SMAD7: variants seen among roughly 807,000 people sequenced by gnomAD.
The protein encoded by SMAD7 is SMAD family member 7.
Under a neutral mutation model 38.7 loss-of-function variants are expected in SMAD7, and 8 were observed. That is an observed-to-expected ratio of 0.21 (90% CI 0.12 to 0.37). The LOEUF (loss-of-function observed/expected upper bound fraction) is 0.37. Among genes scored for constraint, SMAD7 ranks in the 10% least tolerant of loss-of-function variants. SMAD7 has a pLI of 1.00. For missense variants in SMAD7, 477 were observed against 577.9 expected, an observed-to-expected ratio of 0.83 and a Z score of 1.79; for synonymous variants, 327 against 265.1, an observed-to-expected ratio of 1.23 and a Z score of -2.27.
chr18:48,936,632 GA>G (rs1467724506), intron 3 of SMAD7, among the ~76,000 whole-genome samples: 1 of 152,222 alleles, frequency 6.6e-6, no homozygotes, highest in African/African-American at 2.4e-5. Flanking sequence ...GCAAGTCCAG[GA>G]ACCAGCACTT....
At chr18:48,942,382 A>C (rs932541462) in intron 3 of SMAD7, 99 bp downstream of exon 3, 1 of 771,322 alleles carries the variant, frequency 1.3e-6, no homozygotes, top group Non-Finnish European at 2.2e-6. Flanking sequence ...AATGAAGTCC[A>C]GACCAGCTGG....
intron 3 of SMAD7, among the ~76,000 whole-genome samples, chr18:48,934,260 C>T (rs776847536): frequency 6.6e-6 from 1 of 152,150 alleles, no homozygotes; most frequent in African/African-American, 2.4e-5. Context: ...CTCCACTCCT[C>T]ACTAGCACCC....
intron 3 of SMAD7, among the ~76,000 whole-genome samples, chr18:48,940,735 A>G (rs565292933): frequency 1.3e-5 from 2 of 150,862 alleles, no homozygotes; most frequent in Admixed American, 6.6e-5. Flanking sequence ...CTGGTGACAG[A>G]GCGAGACTCC....
At chr18:48,932,576 G>A (rs953968580) in intron 3 of SMAD7, among the ~76,000 whole-genome samples, 1 of 152,168 alleles carries the variant, frequency 6.6e-6, no homozygotes, top group African/African-American at 2.4e-5. Context: ...CTTCACGGAG[G>A]AGCGAGAAGA....
intron 3 of SMAD7, among the ~76,000 whole-genome samples, chr18:48,933,347 TC>T (rs1447402590): frequency 2.0e-5 from 3 of 151,440 alleles, no homozygotes; most frequent in Non-Finnish European, 4.4e-5. Flanking sequence ...TCCTAGTCAA[TC>T]CCCCCTCCCG....
intron 2 of SMAD7, 128 bp downstream of exon 2, chr18:48,948,255 AG>A: frequency 1.8e-6 from 1 of 568,516 alleles, no homozygotes; most frequent in East Asian, 3.4e-5. Context: ...AACTTCCAAC[AG>A]AGGAAACCTA....
chr18:48,930,827 G>A (rs1221172116), intron 3 of SMAD7, among the ~76,000 whole-genome samples: 1 of 152,224 alleles, frequency 6.6e-6, no homozygotes, highest in Admixed American at 6.5e-5. Context: ...TATATACCCA[G>A]AAGAACTGAA....
chr18:48,922,775 C>G (rs1359294931), intron 3 of SMAD7, among the ~76,000 whole-genome samples: 2 of 152,178 alleles, frequency 1.3e-5, no homozygotes, highest in African/African-American at 4.8e-5. Context: ...GGTGCCCCCT[C>G]TCTCCCCTCC....
At position 48,950,211 on chromosome 18, in the gene SMAD7, G is replaced by A. The variant is rs965779344; in HGVS notation, c.214C>T (p.His72Tyr). The A allele has an allele frequency of 1.3e-6, 2 of 1,497,256 alleles. No individual in the cohort carries two copies. Among genetic ancestry groups the A allele is most frequent in the Non-Finnish European group, 1.8e-6 (2 of 1,128,422 alleles). 92.7% of individuals were successfully genotyped at this position (1,497,256 alleles called of 1,614,324 possible). Residue 72 changes from histidine to tyrosine, a missense_variant, in exon 1 of 4, where the codon CAC (histidine) becomes TAC (tyrosine). Around this residue, in one of 2 missense-constraint regions of SMAD7, gnomAD observed 376 missense variants for 379.4 expected, o/e 0.99. Transcript: ENST00000262158. ...LGKAVRGAKG[H>Y]HHPHPPAAGA... is the part of the protein sequence containing the mutation. Reference sequence around the variant, plus strand: ...GCGGCTGGCGGGTGGGGATGGTGGTGACCTTTGGCACCTCGCACCGCCTTG... The same window carrying A: ...GCGGCTGGCGGGTGGGGATGGTGGTAACCTTTGGCACCTCGCACCGCCTTG...
chr18:48,938,190 G>C (rs1286250488), intron 3 of SMAD7, among the ~76,000 whole-genome samples: 1 of 152,196 alleles, frequency 6.6e-6, no homozygotes, highest in East Asian at 1.9e-4. Flanking sequence ...TCTCCTCTGA[G>C]ACTATGACAG....
Position 48,948,380 on chromosome 18 carries a change from T to G in SMAD7, c.667+4A>C. ...GCAGGATATTTTAAAAATCATCTAC[T>G]CACCAGTTGGTTTGAGAAAATCCAT... On this transcript the variant is annotated splice_donor_region_variant and intron_variant, in intron 2 of 3. Transcript: ENST00000262158. The G allele has an allele frequency of 1.3e-6, 2 of 1,585,086 alleles. No homozygotes were observed. Among genetic ancestry groups the G allele is most frequent in the South Asian group, 2.3e-5 (2 of 87,828 alleles).
intron 3 of SMAD7, among the ~76,000 whole-genome samples, chr18:48,926,107 G>C (rs372171463): frequency 6.6e-6 from 1 of 152,284 alleles, no homozygotes; most frequent in Non-Finnish European, 1.5e-5. Context: ...ATGGGAGGAG[G>C]GGGGAAAGGC....
At chr18:48,944,929 C>T (rs1177190892) in intron 2 of SMAD7, among the ~76,000 whole-genome samples, 2 of 152,128 alleles carry the variant, frequency 1.3e-5, no homozygotes, top group African/African-American at 4.8e-5. Context: ...TTTCTCCGAG[C>T]AGCTCCAACA....
rs576539993 is a variant in SMAD7 at position 48,921,561 on chromosome 18, G to A, written c.1092C>T (p.Phe364=). The change falls in exon 4 of 4, where the codon TTC becomes TTT. Residue 364 remains phenylalanine (F), a synonymous_variant. Coordinates refer to ENST00000262158, the MANE Select transcript of SMAD7 (RefSeq NM_005904.4). The surrounding 1 kb of genome is among the most constrained non-coding windows in gnomAD (Gnocchi z 6.4). ...TLLVHKVFPG[F]SIKAFDYEKA... is the part of the protein sequence containing the mutation. ...TCTCGTAGTCGAAAGCCTTGATGGA[G>A]AAACCGGGGAACACCTTGTGTACCA... 2 of 1,614,238 alleles carry A rather than the reference G, an allele frequency of 1.2e-6. No homozygotes were observed. The highest frequency in any genetic ancestry group is 2.7e-5 in the African/African-American group (2 of 75,058).
chr18:48,936,578 A>C (rs931010257), intron 3 of SMAD7, among the ~76,000 whole-genome samples: 1 of 151,844 alleles, frequency 6.6e-6, no homozygotes, highest in Non-Finnish European at 1.5e-5. Context: ...AAGAAGCAAG[A>C]AAGTTATCTG....
chr18:48,948,544 G>A (rs1254836108), intron 1 of SMAD7, 107 bp from the exon 2 acceptor site: 14 of 751,952 alleles, frequency 1.9e-5, no homozygotes, highest in South Asian at 1.7e-4. Flanking sequence ...TCTTAGCTGT[G>A]GGGGTTGGAG....
At chr18:48,930,142 C>T (rs1381130646) in intron 3 of SMAD7, 1 of 152,378 alleles carries the variant, frequency 6.6e-6, no homozygotes, top group African/African-American at 2.4e-5. Context: ...ACTTTACAAC[C>T]CAATACCAGG....
In SMAD7 at chr18:48,921,667, C is replaced by T. The variant is rs1273041053; in HGVS notation, c.986G>A (p.Gly329Asp). Reference protein sequence around the residue: ...CGIQLTREVDGVWVYNRSSYP... With the variant: ...CGIQLTREVDDVWVYNRSSYP... ...ACTGCTGCGGTTGTACACCCACACA[C>T]CATCCACCTCCCGCGTCAGCTGGAT... The change falls in exon 4 of 4, where the codon GGT (glycine) becomes GAT (aspartate). Residue 329 changes from glycine (G) to aspartate (D), a missense_variant. Physicochemically the swap from Gly to Asp is moderately conservative, Grantham distance 94 (BLOSUM62 -1). This residue lies in a region of SMAD7 where 101 missense variants were observed against 198.5 expected (regional missense o/e 0.51). Coordinates refer to ENST00000262158, the MANE Select transcript of SMAD7 (RefSeq NM_005904.4). The surrounding 1 kb of genome is among the most constrained non-coding windows in gnomAD (Gnocchi z 6.4). 6.2e-7 allele frequency: 1 copy of T among 1,613,420 alleles called. No individual in the cohort carries two copies. Among genetic ancestry groups the T allele is most frequent in the Non-Finnish European group, 8.5e-7 (1 of 1,179,522 alleles).
At chr18:48,923,073 G>A (rs757583250) in intron 3 of SMAD7, among the ~76,000 whole-genome samples, 6 of 152,236 alleles carry the variant, frequency 3.9e-5, no homozygotes, top group Non-Finnish European at 8.8e-5. Flanking sequence ...CAGACTGCAG[G>A]AACGCTGTGG....
Sources: allele counts gnomAD v4.1 joint callset (sites outside exome capture counted in the v4.1 genomes callset), GRCh38; gene constraint gnomAD v4.1.1; regional missense constraint gnomAD v4.1.1; non-coding constraint Gnocchi (gnomAD v3.1); transcripts MANE v1.5; gene names NCBI Gene and HGNC (gene_info 2026-07-23, HGNC 2026-07-21).